The following NGEF variants were observed in gnomAD, a reference collection of about 807,000 sequenced individuals.
NGEF encodes ephexin-1.
A neutral mutation model predicts 80.9 loss-of-function variants in NGEF; 31 were observed. The ratio of observed to expected loss-of-function variants is 0.38; its 90% CI spans 0.29 to 0.52. The LOEUF (loss-of-function observed/expected upper bound fraction) is 0.52. Ranked by LOEUF, NGEF falls within the 20% of genes least tolerant of loss-of-function variation. The probability of loss-of-function intolerance (pLI) is 0.84; values close to 1 mark genes in which losing one functional copy is unlikely to be tolerated. For synonymous variants in NGEF, 371 were observed against 370.2 expected (o/e 1.00, Z -0.03); for missense variants, 709 against 926.2 (o/e 0.77, Z 3.04).
At chr2:233,010,588 C>T (rs866200807) in intron 1 of NGEF, among the ~76,000 whole-genome samples, 45 of 150,822 alleles carry the variant, frequency 3.0e-4, no homozygotes, top group African/African-American at 9.8e-4. Flanking sequence ...TTTTTTTTTC[C>T]TTGTCCACAG....
At chr2:232,935,090 A>G (rs1335036619) in intron 3 of NGEF, among the ~76,000 whole-genome samples, 1 of 152,164 alleles carries the variant, frequency 6.6e-6, no homozygotes. Flanking sequence ...TATTTTAGGT[A>G]TTTTATCTAA....
At chr2:232,988,906 A>C (rs1694596318) in intron 1 of NGEF, among the ~76,000 whole-genome samples, 1 of 152,200 alleles carries the variant, frequency 6.6e-6, no homozygotes, top group African/African-American at 2.4e-5. Context: ...GCAAGAATAG[A>C]AGAGTATATT....
chr2:233,006,752 T>C (rs894085966), intron 1 of NGEF, among the ~76,000 whole-genome samples: 23 of 152,192 alleles, frequency 1.5e-4, no homozygotes, highest in African/African-American at 5.3e-4. Flanking sequence ...TCCTGTATGA[T>C]CTTTACTGTA....
At chr2:232,885,050 C>T (rs1410203912) in intron 10 of NGEF, 1 of 553,102 alleles carries the variant, frequency 1.8e-6, no homozygotes, top group Non-Finnish European at 3.2e-6. Flanking sequence ...GCACACTAGC[C>T]CCGCACTCCC....
At chr2:232,987,005 C>G (rs78012699) in intron 1 of NGEF, among the ~76,000 whole-genome samples, 15,216 of 152,156 alleles carry the variant, frequency 0.1, 804 homozygotes, top group Middle Eastern at 0.17. Flanking sequence ...TTGTAAGACA[C>G]AGAGCAGGAC....
At position 232,991,872 on chromosome 2, in the gene NGEF, G is replaced by A. The variant is rs529464867; in HGVS notation, c.-74-16908C>T. 4.6e-5 allele frequency among the ~76,000 whole-genome samples: 7 copies of A among 152,316 alleles called. No homozygotes were observed. In the South Asian group the frequency reaches 1.4e-3, roughly 32 times the overall value. ...ATCAAGACAGTGTGGTACTGGCACA[G>A]GATAGGCATTTAGGTCAAGAGAATA... is the stretch of plus-strand genomic sequence containing the variant. On this transcript the variant is annotated intron_variant, in intron 1 of 14. Coordinates refer to ENST00000264051, the MANE Select transcript of NGEF (RefSeq NM_019850.3).
intron 4 of NGEF, 109 bp downstream of exon 4, chr2:232,926,935 G>A (rs937881321): frequency 5.8e-6 from 8 of 1,390,266 alleles, no homozygotes; most frequent in East Asian, 4.6e-5. Context: ...CATGTCAGAC[G>A]CAGTCCTTCG....
At chr2:232,941,536 ATC>A (rs1201361909) in intron 3 of NGEF, among the ~76,000 whole-genome samples, 2 of 150,326 alleles carry the variant, frequency 1.3e-5, no homozygotes, top group East Asian at 3.9e-4. Context: ...GTTAAGTTAG[ATC>A]TTTCACTGTC....
At chr2:232,932,133 T>C (rs1341842069) in intron 3 of NGEF, among the ~76,000 whole-genome samples, 1 of 151,754 alleles carries the variant, frequency 6.6e-6, no homozygotes, top group Non-Finnish European at 1.5e-5. Context: ...TCCCCTCTAT[T>C]CTTTATGAGT....
intron 5 of NGEF, among the ~76,000 whole-genome samples, chr2:232,915,280 CATCTT>C (rs1692774196): frequency 6.6e-6 from 1 of 152,104 alleles, no homozygotes; most frequent in Non-Finnish European, 1.5e-5. Flanking sequence ...TCTAATCATT[CATCTT>C]ATCAAGACTT....
intron 1 of NGEF, among the ~76,000 whole-genome samples, chr2:232,992,927 C>T (rs1052219200): frequency 2.7e-5 from 4 of 149,452 alleles, no homozygotes; most frequent in Non-Finnish European, 4.4e-5. Context: ...GCAGAGGTTG[C>T]GGTGAGCCCA....
At chr2:232,956,781 TAAAAAAA>T (rs57407464) in intron 3 of NGEF, among the ~76,000 whole-genome samples, 4 of 62,112 alleles carry the variant, frequency 6.4e-5, no homozygotes, top group African/African-American at 1.9e-4. Context: ...AGACTCCATC[TAAAAAAA>T]AAAAAAAAAA....
At chr2:232,908,493 T>C (rs895553170) in intron 5 of NGEF, among the ~76,000 whole-genome samples, 7 of 48,768 alleles carry the variant, frequency 1.4e-4, no homozygotes, top group African/African-American at 6.3e-4. Flanking sequence ...TGCTTGTTTA[T>C]ACGTTTATGA....
chr2:232,985,089 G>A (rs148466416), intron 1 of NGEF, among the ~76,000 whole-genome samples: 1 of 152,200 alleles, frequency 6.6e-6, no homozygotes, highest in Non-Finnish European at 1.5e-5. Context: ...AGCTTCAACA[G>A]CCAGGACTAG....
rs1457018432 is a variant in NGEF at position 232,915,274 on chromosome 2, ATCAT to A, written c.828+5006_828+5009del. On this transcript the variant is annotated intron_variant, in intron 5 of 14. Coordinates refer to ENST00000264051, the MANE Select transcript of NGEF (RefSeq NM_019850.3). ...GAAAATCATTCATCTGTTTTTTCTA[ATCAT>A]TCATCTTATCAAGACTTTTGCATAG... Among the ~76,000 whole-genome samples the A allele has an allele frequency of 9.0e-4, 137 of 152,214 alleles. 1 individual carries two copies. The highest frequency in any genetic ancestry group is 1.5e-3 in the Non-Finnish European group (104 of 67,998).
chr2:232,913,412 T>C (rs187970824), intron 5 of NGEF, among the ~76,000 whole-genome samples: 199 of 152,352 alleles, frequency 1.3e-3, no homozygotes, highest in African/African-American at 4.7e-3. Flanking sequence ...TGGTGACAGC[T>C]CTTTTTGCAC....
At chr2:232,983,340 C>A (rs775374950) in intron 1 of NGEF, among the ~76,000 whole-genome samples, 34 of 151,940 alleles carry the variant, frequency 2.2e-4, no homozygotes, top group African/African-American at 7.5e-4. Context: ...AGGAGGGTCC[C>A]CGAGCGGTGA....
intron 3 of NGEF, among the ~76,000 whole-genome samples, chr2:232,957,430 C>A (rs370877597): frequency 2.0e-5 from 3 of 152,130 alleles, no homozygotes; most frequent in African/African-American, 7.2e-5. Context: ...TCAAACAATT[C>A]TCCTGCCTCA....
chr2:232,945,576 G>C (rs1693540421), intron 3 of NGEF, among the ~76,000 whole-genome samples: 1 of 152,170 alleles, frequency 6.6e-6, no homozygotes, highest in Admixed American at 6.5e-5. Context: ...GGAGTGCCAA[G>C]GGTGCCAGCC....
Sources: gnomAD v4.1 joint callset for allele counts (sites outside exome capture counted in the v4.1 genomes callset) on GRCh38, gnomAD v4.1.1 for gene constraint, MANE v1.5 for transcripts, NCBI Gene and HGNC (gene_info 2026-07-23, HGNC 2026-07-21) for gene names.